The following COBLL1 variants were observed in gnomAD, a reference collection of about 807,000 sequenced individuals.
COBLL1 encodes the protein cordon-bleu protein-like 1.
In COBLL1, 50 loss-of-function variants were observed where a neutral mutation model predicts 94.8. That is an observed-to-expected ratio of 0.53 (90% CI 0.42 to 0.67). COBLL1 has a LOEUF of 0.67. Ranked by LOEUF, COBLL1 falls within the 30% of genes least tolerant of loss-of-function variation. COBLL1 has a pLI of 0.00. For missense variants in COBLL1, 1,362 were observed against 1,348.7 expected (o/e 1.01, Z -0.15); for synonymous variants, 448 against 473.8 (o/e 0.95, Z 0.71).
intron 2 of COBLL1, among the ~76,000 whole-genome samples, chr2:164,787,532 A>AC (rs1553478324): frequency 7.9e-5 from 12 of 152,042 alleles, no homozygotes; most frequent in African/African-American, 2.2e-4. Context: ...AATATATACA[A>AC]TTTTTTTTGG....
intron 7 of COBLL1, among the ~76,000 whole-genome samples, chr2:164,707,195 T>A (rs1684648267): frequency 6.6e-6 from 1 of 151,978 alleles, no homozygotes; most frequent in Admixed American, 6.6e-5. Flanking sequence ...TAGGTTGGAG[T>A]GCAGTGGGTG....
At chr2:164,817,134 G>A (rs1328457542) in intron 2 of COBLL1, among the ~76,000 whole-genome samples, 2 of 152,174 alleles carry the variant, frequency 1.3e-5, no homozygotes, top group African/African-American at 4.8e-5. Context: ...AACTCACTGA[G>A]CAAGTGTTGC....
At chr2:164,805,337 C>CTCTCTCTCTATATATA (rs758137553) in intron 2 of COBLL1, among the ~76,000 whole-genome samples, 1 of 17,050 alleles carries the variant, frequency 5.9e-5, no homozygotes, top group Non-Finnish European at 1.0e-4. Flanking sequence ...CTCTCTCTCT[C>CTCTCTCTCTATATATA]TATATATATA....
chr2:164,836,838 C>T (rs1372043472), intron 2 of COBLL1, among the ~76,000 whole-genome samples: 1 of 152,146 alleles, frequency 6.6e-6, no homozygotes, highest in Non-Finnish European at 1.5e-5. Context: ...ATCACCTGAG[C>T]AGCATTTTAA....
chr2:164,722,453 A>G lies in COBLL1; in HGVS notation c.731T>C (p.Phe244Ser). The change falls in exon 6 of 14, where the codon TTT becomes TCT. Residue 244 changes from phenylalanine to serine, a missense_variant. Coordinates refer to ENST00000652658, the MANE Select transcript of COBLL1 (RefSeq NM_001365672.2). ...GTCTCGCTTTTTCTTACTGCGTTGA[A>G]AAAAACTGAAAAACCCTTTATTTTC... ...EKENKGFFSF[F>S]QRSKKKRDQT... 6.5e-7 allele frequency: 1 copy of G among 1,527,822 alleles called. No individual in the cohort carries two copies. Among genetic ancestry groups the G allele is most frequent in the Non-Finnish European group, 8.8e-7 (1 of 1,140,874 alleles). The allele number at this position is 1,527,822 out of a possible 1,614,324, so 94.6% of individuals were successfully genotyped here. A position where few individuals can be genotyped will look rare whatever the true frequency, so the allele number is the denominator to read the frequency against.
intron 2 of COBLL1, among the ~76,000 whole-genome samples, chr2:164,791,066 G>A (rs1378525748): frequency 6.6e-6 from 1 of 152,074 alleles, no homozygotes; most frequent in Admixed American, 6.5e-5. Context: ...ATATAACAAT[G>A]TATTCTATAC....
intron 2 of COBLL1, among the ~76,000 whole-genome samples, chr2:164,761,928 TCA>T (rs1297686877): frequency 8.5e-5 from 13 of 152,178 alleles, no homozygotes; most frequent in African/African-American, 2.9e-4. Flanking sequence ...AAAGAATGAA[TCA>T]CAGTTTTTCC....
intron 2 of COBLL1, among the ~76,000 whole-genome samples, chr2:164,756,593 A>G (rs1489575666): frequency 6.6e-6 from 1 of 152,218 alleles, no homozygotes; most frequent in African/African-American, 2.4e-5. Context: ...TAAATTTAAA[A>G]TAAGTGCTTT....
intron 2 of COBLL1, among the ~76,000 whole-genome samples, chr2:164,759,547 T>C (rs1687580568): frequency 6.6e-6 from 1 of 152,076 alleles, no homozygotes; most frequent in Admixed American, 6.5e-5. Flanking sequence ...AGTATACATA[T>C]ATGTATATAA....
At chr2:164,833,116 T>C (rs186101400) in intron 2 of COBLL1, among the ~76,000 whole-genome samples, 224 of 151,868 alleles carry the variant, frequency 1.5e-3, no homozygotes, top group African/African-American at 5.1e-3. Flanking sequence ...CCCAGCACTT[T>C]AGGAGGCTGA....
In COBLL1 at chr2:164,687,160, T is replaced by C. The variant is rs141123095; in HGVS notation, c.3301-1128A>G. 1.4e-3 allele frequency: 505 copies of C among 369,830 alleles called. 3 individuals carry two copies. The highest frequency in any genetic ancestry group is 9.9e-3 in the African/African-American group (477 of 48,264). 22.9% of individuals were successfully genotyped at this position (369,830 alleles called of 1,614,324 possible). ...TCATCTGCACTCTCTTTAGTATGCCTGTGAGATTTCTTTCCAAGTATAGCC... is the reference window on the plus strand; with the variant it reads ...TCATCTGCACTCTCTTTAGTATGCCCGTGAGATTTCTTTCCAAGTATAGCC... On this transcript the variant is annotated intron_variant, in intron 13 of 13. Coordinates refer to ENST00000652658, the MANE Select transcript of COBLL1 (RefSeq NM_001365672.2).
At chr2:164,706,498 G>C (rs377742304) in intron 7 of COBLL1, among the ~76,000 whole-genome samples, 19 of 152,160 alleles carry the variant, frequency 1.2e-4, no homozygotes, top group African/African-American at 4.3e-4. Context: ...TCTCTATCTT[G>C]GACCTCTGTT....
downstream of COBLL1, among the ~76,000 whole-genome samples, chr2:164,675,324 T>G (rs1392258895): frequency 6.6e-6 from 1 of 152,216 alleles, no homozygotes; most frequent in East Asian, 1.9e-4. Context: ...CTGTCAGCCT[T>G]CTACAAGTGA....
intron 2 of COBLL1, among the ~76,000 whole-genome samples, chr2:164,804,284 G>A (rs1426291816): frequency 6.6e-6 from 1 of 152,038 alleles, no homozygotes; most frequent in Non-Finnish European, 1.5e-5. Flanking sequence ...ATCTCCAGAC[G>A]TATTGGATCA....
At chr2:164,708,245 T>A (rs987109320) in intron 7 of COBLL1, among the ~76,000 whole-genome samples, 1 of 152,108 alleles carries the variant, frequency 6.6e-6, no homozygotes, top group Non-Finnish European at 1.5e-5. Context: ...TCTTCAGATT[T>A]CTCTATAATC....
In COBLL1 at chr2:164,694,419, A is replaced by C. The variant is rs1422568995; in HGVS notation, c.2973T>G (p.Ala991=). The part of the protein sequence containing the change: ...SSSGPSPFAL[A]VVKRSQSFSK... ...TGAAAGACTGTGACCTTTTCACTAC[A>C]GCAAGAGCAAACGGTGAAGGACCAG... is the stretch of plus-strand genomic sequence containing the variant. Residue 991 remains alanine, a synonymous_variant, in exon 12 of 14, where the codon GCT becomes GCG. Transcript: ENST00000652658. The C allele has an allele frequency of 1.2e-6, 2 of 1,613,970 alleles. No homozygotes were observed. Among genetic ancestry groups the C allele is most frequent in the South Asian group, 1.1e-5 (1 of 91,080 alleles).
chr2:164,700,773 A>C lies in COBLL1; in HGVS notation c.1226-17T>G. 1 of 1,448,554 alleles carries C rather than the reference A, an allele frequency of 6.9e-7. No homozygotes were observed. The allele number at this position is 1,448,554 out of a possible 1,614,324, so 89.7% of individuals were successfully genotyped here. Reference sequence around the variant, plus strand: ...TTATTCCAGCTACAAAGAAATGCAGATATAATCCTAAATATTAATTTGCCT... The same window carrying C: ...TTATTCCAGCTACAAAGAAATGCAGCTATAATCCTAAATATTAATTTGCCT... On this transcript the variant is annotated splice_polypyrimidine_tract_variant and intron_variant, in intron 9 of 13. Coordinates refer to ENST00000652658, the MANE Select transcript of COBLL1 (RefSeq NM_001365672.2).
chr2:164,771,780 G>C (rs1343798084), intron 2 of COBLL1, among the ~76,000 whole-genome samples: 1 of 151,818 alleles, frequency 6.6e-6, no homozygotes, highest in East Asian at 1.9e-4. Flanking sequence ...TGATAAGAAG[G>C]CATCTAAACA....
intron 2 of COBLL1, among the ~76,000 whole-genome samples, chr2:164,755,118 T>C (rs944642674): frequency 6.6e-6 from 1 of 152,226 alleles, no homozygotes; most frequent in Non-Finnish European, 1.5e-5. Flanking sequence ...TGAGCCACGA[T>C]TGTGCCACTG....
Sources: gnomAD v4.1 joint callset for allele counts (sites outside exome capture counted in the v4.1 genomes callset) on GRCh38, gnomAD v4.1.1 for gene constraint, MANE v1.5 for transcripts, NCBI Gene and HGNC (gene_info 2026-07-23, HGNC 2026-07-21) for gene names.